Variants in TRIO observed in about 807,000 individuals in gnomAD.
TRIO encodes trio Rho guanine nucleotide exchange factor.
TRIO carries 58 observed loss-of-function variants against 351.9 expected under a neutral mutation model. The ratio of observed to expected loss-of-function variants is 0.16; its 90% CI spans 0.13 to 0.21. The LOEUF is 0.21. Among genes scored for constraint, TRIO ranks in the 10% least tolerant of loss-of-function variants. The pLI, the probability that TRIO is intolerant of heterozygous loss-of-function variation, is 1.00. For synonymous variants in TRIO, 1,758 were observed against 1,595.7 expected, an observed-to-expected ratio of 1.10 and a Z score of -2.42; for missense variants, 3,201 against 4,027.8, an observed-to-expected ratio of 0.79 and a Z score of 5.56.
At chr5:14,307,160 G>A (rs1351935614) in intron 8 of TRIO, among the ~76,000 whole-genome samples, 1 of 152,054 alleles carries the variant, frequency 6.6e-6, no homozygotes, top group Non-Finnish European at 1.5e-5. Flanking sequence ...ACATTGCCTC[G>A]ACCCAGATTT....
In TRIO at chr5:14,155,663, A is replaced by G. The variant is rs535859813; in HGVS notation, c.157+11781A>G. On this transcript the variant is annotated intron_variant, in intron 1 of 56. Coordinates refer to ENST00000344204, the MANE Select transcript of TRIO (RefSeq NM_007118.4). ...TGGGTTGCCTGATTCTCATGACTAA[A>G]TTCAGGCTGTGCATTTTTGGCAGAA... Among the ~76,000 whole-genome samples the G allele has an allele frequency of 4.1e-4, 63 of 152,308 alleles. 1 individual carries two copies. Among genetic ancestry groups the G allele is most frequent in the Admixed American group, 3.5e-3 (53 of 15,304 alleles).
intron 48 of TRIO, among the ~76,000 whole-genome samples, chr5:14,491,126 T>C (rs1243497029): frequency 6.6e-6 from 1 of 152,174 alleles, no homozygotes; most frequent in East Asian, 1.9e-4. Flanking sequence ...CCCTGGCACC[T>C]GGAATTCCCA....
At chr5:14,292,395 A>T (rs1447712255) in intron 5 of TRIO, among the ~76,000 whole-genome samples, 1 of 152,038 alleles carries the variant, frequency 6.6e-6, no homozygotes. Flanking sequence ...ATATTTTCTT[A>T]AATGTTTTCA....
chr5:14,225,577 A>T (rs1792938605), intron 1 of TRIO, among the ~76,000 whole-genome samples: 1 of 152,056 alleles, frequency 6.6e-6, no homozygotes, highest in Non-Finnish European at 1.5e-5. Context: ...TCTTTCCTGG[A>T]GGCCACTCTC....
At position 14,405,950 on chromosome 5, in the gene TRIO, A is replaced by G. The variant is rs1238605443; in HGVS notation, c.4819A>G (p.Ile1607Val). The change falls in exon 32 of 57, where the codon ATC becomes GTC. Residue 1607 changes from isoleucine (I) to valine (V), a missense_variant. By Grantham distance (29) the Ile-to-Val change is conservative. Around this residue, in one of 19 missense-constraint regions of TRIO, gnomAD observed 136 missense variants for 229.5 expected, o/e 0.59. Coordinates refer to ENST00000344204, the MANE Select transcript of TRIO (RefSeq NM_007118.4). The stretch of plus-strand genomic sequence containing the variant: ...GGGAGCCCTGAAGGAGCCCATTCAC[A>G]TCCCTAAGACCGCTCCCGCCACAAG... ...LKGALKEPIHIPKTAPATRQK... is the reference protein window; with the variant it reads ...LKGALKEPIHVPKTAPATRQK... The G allele has an allele frequency of 2.0e-5, 32 of 1,612,196 alleles. No homozygotes were observed. Among genetic ancestry groups the G allele is most frequent in the Non-Finnish European group, 2.5e-5 (29 of 1,179,576 alleles).
intron 1 of TRIO, among the ~76,000 whole-genome samples, chr5:14,197,288 G>A (rs1036693743): frequency 2.1e-5 from 2 of 96,878 alleles, no homozygotes; most frequent in Non-Finnish European, 4.8e-5. Flanking sequence ...ATTACATAAA[G>A]TGTGTATCGA....
At chr5:14,393,728 A>G (rs1389001865) in intron 27 of TRIO, among the ~76,000 whole-genome samples, 2 of 152,224 alleles carry the variant, frequency 1.3e-5, no homozygotes, top group Admixed American at 6.5e-5. Context: ...TTTACATGCA[A>G]TACAGATCAT....
At chr5:14,292,516 G>A (rs2434605) in intron 5 of TRIO, among the ~76,000 whole-genome samples, 35,050 of 152,086 alleles carry the variant, frequency 0.23, 4,437 homozygotes, top group Admixed American at 0.33. Flanking sequence ...TTATGTTTTT[G>A]CAATCTGCAC....
chr5:14,443,020 G>A (rs996053743), intron 34 of TRIO, among the ~76,000 whole-genome samples: 2 of 152,120 alleles, frequency 1.3e-5, no homozygotes, highest in Non-Finnish European at 2.9e-5. Flanking sequence ...TCTGTAGAGG[G>A]AATTTTTGAA....
At chr5:14,339,650 A>T (rs961763688) in intron 11 of TRIO, among the ~76,000 whole-genome samples, 2 of 152,214 alleles carry the variant, frequency 1.3e-5, no homozygotes, top group African/African-American at 4.8e-5. Context: ...GGGAGGGCAT[A>T]GCAGGACACA....
intron 49 of TRIO, among the ~76,000 whole-genome samples, chr5:14,493,105 G>A (rs1414598654): frequency 2.7e-5 from 4 of 148,840 alleles, no homozygotes; most frequent in African/African-American, 1.0e-4. Context: ...AGTGTTGTTT[G>A]TTTGTTTGTT....
intron 40 of TRIO, 34 bp from the exon 41 acceptor site, chr5:14,476,860 G>C: frequency 6.4e-7 from 1 of 1,569,862 alleles, no homozygotes; most frequent in Non-Finnish European, 8.7e-7. Flanking sequence ...GGCCACACTG[G>C]AAATAGTTCT....
Position 14,481,542 on chromosome 5 carries a change from G to A in TRIO, c.6389G>A (p.Arg2130Lys), listed in dbSNP as rs1755517030. 2 of 1,613,946 alleles carry A rather than the reference G, an allele frequency of 1.2e-6. No homozygotes were observed. The highest frequency in any genetic ancestry group is 1.7e-6 in the Non-Finnish European group (2 of 1,179,866). Residue 2130 changes from arginine to lysine, a missense_variant and splice_region_variant, in exon 45 of 57, where the codon AGA (arginine) becomes AAA (lysine). By Grantham distance (26) the Arg-to-Lys change is conservative (BLOSUM62 2). This residue lies in a region of TRIO where 307 missense variants were observed against 396.5 expected (regional missense o/e 0.77). Transcript: ENST00000344204. The stretch of plus-strand genomic sequence containing the variant: ...ACTCTTCTCTCTCCCCTCCCACAGA[G>A]AGCTGTGGAAGTCATGTGCATAGTA... ...KASLDTSELE[R>K]AVEVMCIVPR...
intron 18 of TRIO, among the ~76,000 whole-genome samples, chr5:14,373,751 CT>C (rs1745322248): frequency 6.6e-6 from 1 of 152,196 alleles, no homozygotes; most frequent in Non-Finnish European, 1.5e-5. Flanking sequence ...CTGCTTTCAT[CT>C]GTTGTTTGTT....
intron 1 of TRIO, among the ~76,000 whole-genome samples, chr5:14,144,681 G>A (rs1787389119): frequency 6.6e-6 from 1 of 152,096 alleles, no homozygotes; most frequent in South Asian, 2.1e-4. Flanking sequence ...CGGCGCAGAG[G>A]GGGTGGCCGC....
chr5:14,403,007 TGTG>T (rs1410762716), intron 31 of TRIO, among the ~76,000 whole-genome samples: 8 of 150,998 alleles, frequency 5.3e-5, no homozygotes, highest in South Asian at 2.1e-4. Context: ...GGGTGCAGGT[TGTG>T]GTGAGGGTAC....
intron 48 of TRIO, chr5:14,489,143 G>A (rs982133732): frequency 4.4e-6 from 3 of 687,112 alleles, no homozygotes; most frequent in Non-Finnish European, 7.9e-6. Context: ...TTCTCTAAAA[G>A]GGTCTGTGTC....
intron 8 of TRIO, among the ~76,000 whole-genome samples, chr5:14,310,765 A>G (rs940623878): frequency 6.6e-6 from 1 of 152,210 alleles, no homozygotes; most frequent in African/African-American, 2.4e-5. Flanking sequence ...GGCTCACTGC[A>G]ACCTCTGCCT....
chr5:14,345,769 A>C (rs1210113013), intron 11 of TRIO, among the ~76,000 whole-genome samples: 1 of 152,128 alleles, frequency 6.6e-6, no homozygotes, highest in Non-Finnish European at 1.5e-5. Context: ...CAGACTCCTG[A>C]CCTCAAGTGA....
Sources: gnomAD v4.1 joint callset for allele counts (sites outside exome capture counted in the v4.1 genomes callset) on GRCh38, gnomAD v4.1.1 for gene constraint, gnomAD v4.1.1 regional missense constraint, MANE v1.5 for transcripts, NCBI Gene and HGNC (gene_info 2026-07-23, HGNC 2026-07-21) for gene names.